The following CYB5R4 variants were observed in gnomAD, a reference collection of about 807,000 sequenced individuals.
CYB5R4 encodes the protein cytochrome b5 reductase 4.
A neutral mutation model predicts 70.2 loss-of-function variants in CYB5R4; 55 were observed. That is an observed-to-expected ratio of 0.78 (90% CI 0.63 to 0.98). CYB5R4 has a LOEUF of 0.98. Among genes scored for constraint, CYB5R4 ranks in the 50% least tolerant of loss-of-function variants. CYB5R4 has a pLI of 0.00. For missense variants in CYB5R4, 562 were observed against 612.6 expected (o/e 0.92, Z 0.87); for synonymous variants, 197 against 199.5 (o/e 0.99, Z 0.11).
At chr6:83,908,408 G>C (rs2099464148) in intron 3 of CYB5R4, among the ~76,000 whole-genome samples, 2 of 152,146 alleles carry the variant, frequency 1.3e-5, no homozygotes, top group South Asian at 2.1e-4. Context: ...AATCACCTAA[G>C]TGTCTCTTCA....
chr6:83,942,390 A>T (rs1411062608), intron 14 of CYB5R4, among the ~76,000 whole-genome samples: 1 of 152,202 alleles, frequency 6.6e-6, no homozygotes, highest in Non-Finnish European at 1.5e-5. Context: ...AGCCAAGGGA[A>T]GCCATGAGGG....
At chr6:83,935,416 G>GTTTTTCATCACTAATGGCTGGTTTTCTC in intron 11 of CYB5R4, among the ~76,000 whole-genome samples, 1 of 152,224 alleles carries the variant, frequency 6.6e-6, no homozygotes, top group African/African-American at 2.4e-5. Context: ...AAGGTTTTCT[G>GTTTTTCATCACTAATGGCTGGTTTTCTC]TTTTTCATCA....
At position 83,962,087 on chromosome 6, in the gene CYB5R4, T is replaced by C. The variant is rs1027190763; in HGVS notation, c.*2209T>C. 1.3e-5 allele frequency: 2 copies of C among 152,168 alleles called. No homozygotes were observed. Among genetic ancestry groups the C allele is most frequent in the African/African-American group, 4.8e-5 (2 of 41,440 alleles). The allele number at this position is 152,168 out of a possible 1,614,324, so 9.4% of individuals were successfully genotyped here. A position where few individuals can be genotyped will look rare whatever the true frequency, so the allele number is the denominator to read the frequency against. On this transcript the variant is annotated 3_prime_UTR_variant, in exon 16 of 16. Coordinates refer to ENST00000369681, the MANE Select transcript of CYB5R4 (RefSeq NM_016230.4). The stretch of plus-strand genomic sequence containing the variant: ...GCTTCAGTTTTCAATATCCATTTAC[T>C]TCCTGCATACCACCCCACCATCCAC...
intron 5 of CYB5R4, among the ~76,000 whole-genome samples, chr6:83,915,743 C>T (rs779392315): frequency 3.9e-5 from 6 of 152,158 alleles, no homozygotes; most frequent in Non-Finnish European, 7.3e-5. Flanking sequence ...TTATTAGCTG[C>T]TTTTCCCTTT....
At chr6:83,954,834 T>G (rs2099472085) in intron 14 of CYB5R4, among the ~76,000 whole-genome samples, 1 of 151,990 alleles carries the variant, frequency 6.6e-6, no homozygotes, top group South Asian at 2.1e-4. Context: ...TGCCTCAGCT[T>G]CCCAAATAGC....
At chr6:83,951,039 C>T (rs776066742) in intron 14 of CYB5R4, among the ~76,000 whole-genome samples, 17 of 152,010 alleles carry the variant, frequency 1.1e-4, no homozygotes, top group Non-Finnish European at 2.4e-4. Context: ...AGGATTGCTA[C>T]AAAATATCTT....
intron 3 of CYB5R4, among the ~76,000 whole-genome samples, chr6:83,898,564 A>T (rs1220124667): frequency 6.6e-6 from 1 of 152,102 alleles, no homozygotes; most frequent in Non-Finnish European, 1.5e-5. Context: ...CAGTATGGCC[A>T]TTTTCACGAT....
At chr6:83,879,504 C>T (rs943199074) in intron 2 of CYB5R4, among the ~76,000 whole-genome samples, 4 of 152,106 alleles carry the variant, frequency 2.6e-5, no homozygotes, top group Non-Finnish European at 5.9e-5. Context: ...TTTACTGCCC[C>T]TTTCCATCAA....
chr6:83,927,887 G>T (rs1419445493), intron 10 of CYB5R4, among the ~76,000 whole-genome samples: 1 of 152,104 alleles, frequency 6.6e-6, no homozygotes. Context: ...CAGGCAGACA[G>T]GTCCCATCTT....
intron 11 of CYB5R4, among the ~76,000 whole-genome samples, chr6:83,935,211 C>A (rs1484015301): frequency 6.6e-6 from 1 of 152,064 alleles, no homozygotes; most frequent in African/African-American, 2.4e-5. Context: ...AATATGAATT[C>A]TTTTTTCTTT....
At position 83,955,209 on chromosome 6, in the gene CYB5R4, T is replaced by C; in HGVS notation, c.1347-89T>C. 4 of 1,085,240 alleles carry C rather than the reference T, an allele frequency of 3.7e-6. 1 individual carries two copies. The South Asian group carries it at 7.6e-5, about 21-fold the overall frequency. The allele number at this position is 1,085,240 out of a possible 1,614,324, so 67.2% of individuals were successfully genotyped here. A position where few individuals can be genotyped will look rare whatever the true frequency, so the allele number is the denominator to read the frequency against. Reference sequence around the variant, plus strand: ...TATCTTTATATATTAAATTGTTCCTTTAGGGGAGAAATATATTCTTGAACT... The same window carrying C: ...TATCTTTATATATTAAATTGTTCCTCTAGGGGAGAAATATATTCTTGAACT... On this transcript the variant is annotated intron_variant, in intron 14 of 15. Coordinates refer to ENST00000369681, the MANE Select transcript of CYB5R4 (RefSeq NM_016230.4).
At chr6:83,883,900 G>A (rs989047358) in intron 2 of CYB5R4, among the ~76,000 whole-genome samples, 12 of 151,914 alleles carry the variant, frequency 7.9e-5, no homozygotes, top group Non-Finnish European at 1.5e-5. Flanking sequence ...AAGTAAGCAG[G>A]TAAAAGTTGA....
intron 2 of CYB5R4, among the ~76,000 whole-genome samples, chr6:83,891,669 C>T (rs1004361062): frequency 6.6e-6 from 1 of 152,098 alleles, no homozygotes; most frequent in Non-Finnish European, 1.5e-5. Context: ...ATAGACATTC[C>T]TAGTTTTTTT....
Position 83,933,168 on chromosome 6 carries a change from G to A in CYB5R4, c.815-1427G>A, listed in dbSNP as rs148662992. Among the ~76,000 whole-genome samples the A allele has an allele frequency of 7.0e-3, 1,064 of 152,292 alleles. 12 individuals carry two copies. The highest frequency in any genetic ancestry group is 0.024 in the African/African-American group (999 of 41,558). On this transcript the variant is annotated intron_variant, in intron 10 of 15. Transcript: ENST00000369681. The stretch of plus-strand genomic sequence containing the variant: ...CCTTTGACCCTTTGGTTAGTCCAGT[G>A]CTTGTTAGGCCTTCCGGGATAACTT...
chr6:83,936,443 T>A, intron 12 of CYB5R4, 67 bp downstream of exon 12: 1 of 1,388,426 alleles, frequency 7.2e-7, no homozygotes, highest in South Asian at 1.2e-5. Context: ...CCTCTAGTTA[T>A]CTCCATGTAG....
At chr6:83,888,171 C>G (rs1449546456) in intron 2 of CYB5R4, among the ~76,000 whole-genome samples, 1 of 152,098 alleles carries the variant, frequency 6.6e-6, no homozygotes, top group Non-Finnish European at 1.5e-5. Flanking sequence ...AAAATTGCAT[C>G]ACTGGAAAAT....
chr6:83,954,726 A>T (rs2099472068), intron 14 of CYB5R4, among the ~76,000 whole-genome samples: 1 of 151,794 alleles, frequency 6.6e-6, no homozygotes, highest in Admixed American at 6.6e-5. Flanking sequence ...TATTTCATTT[A>T]TATATTTATT....
rs2099468652 is a variant in CYB5R4 at position 83,934,682 on chromosome 6, CTCAT to C, written c.903_906del (p.His302PhefsTer20). The C allele has an allele frequency of 6.2e-7, 1 of 1,613,704 alleles. No homozygotes were observed. Among genetic ancestry groups the C allele is most frequent in the African/African-American group, 1.3e-5 (1 of 74,940 alleles). On this transcript the variant is annotated frameshift_variant, in exon 11 of 16. Transcript: ENST00000369681. LOFTEE classifies it high-confidence loss of function. The stretch of plus-strand genomic sequence containing the variant: ...TTCTGTTTGATGCTGCCACCAAGCA[CTCAT>C]CTTCAAGTGCCCATTGGGCAACATG...
intron 14 of CYB5R4, among the ~76,000 whole-genome samples, chr6:83,949,681 G>A (rs1195811025): frequency 1.3e-5 from 2 of 152,152 alleles, no homozygotes; most frequent in African/African-American, 4.8e-5. Context: ...ACATATGATC[G>A]AATATTTTCA....
Sources: allele counts gnomAD v4.1 joint callset (sites outside exome capture counted in the v4.1 genomes callset), GRCh38; gene constraint gnomAD v4.1.1; transcripts MANE v1.5; gene names NCBI Gene and HGNC (gene_info 2026-07-23, HGNC 2026-07-21).